Variants in LRFN5 observed in about 807,000 individuals in gnomAD.
The protein encoded by LRFN5 is leucine rich repeat and fibronectin type III domain containing 5.
A neutral mutation model predicts 45.6 loss-of-function variants in LRFN5; 24 were observed. The ratio of observed to expected loss-of-function variants is 0.53; its 90% CI spans 0.38 to 0.74. The LOEUF (loss-of-function observed/expected upper bound fraction) is 0.74, where lower values mean the gene tolerates loss of function less well. Ranked by LOEUF, LRFN5 falls within the 30% of genes least tolerant of loss-of-function variation. The pLI, the probability that LRFN5 is intolerant of heterozygous loss-of-function variation, is 0.00. For missense variants in LRFN5, 776 were observed against 861.5 expected, an observed-to-expected ratio of 0.90 and a Z score of 1.24; for synonymous variants, 340 against 313.8, an observed-to-expected ratio of 1.08 and a Z score of -0.88.
chr14:41,892,186 T>A, intron 4 of LRFN5: 1 of 985,300 alleles, frequency 1.0e-6, no homozygotes, highest in Non-Finnish European at 1.2e-6. Context: ...GAAAGCTCTG[T>A]GTAATTTATA....
chr14:41,643,470 T>C (rs1879674122), intron 1 of LRFN5, among the ~76,000 whole-genome samples: 1 of 152,118 alleles, frequency 6.6e-6, no homozygotes, highest in Non-Finnish European at 1.5e-5. Context: ...CACATACATA[T>C]CTTCTCGGCA....
intron 1 of LRFN5, among the ~76,000 whole-genome samples, chr14:41,623,809 A>G (rs1345663239): frequency 6.6e-6 from 1 of 152,074 alleles, no homozygotes; most frequent in Non-Finnish European, 1.5e-5. Context: ...AGCTCACTTC[A>G]ATATTGTGGA....
intron 2 of LRFN5, among the ~76,000 whole-genome samples, chr14:41,854,415 A>G (rs2139082346): frequency 6.6e-6 from 1 of 152,210 alleles, no homozygotes; most frequent in South Asian, 2.1e-4. Context: ...AATGTAAATG[A>G]CGAGTTAACA....
At chr14:41,834,670 T>C (rs1888600429) in intron 2 of LRFN5, among the ~76,000 whole-genome samples, 1 of 152,160 alleles carries the variant, frequency 6.6e-6, no homozygotes, top group Non-Finnish European at 1.5e-5. Flanking sequence ...TTTTGTTTTG[T>C]TGTGTTTGTG....
chr14:41,721,589 G>A (rs1883715770), intron 1 of LRFN5, among the ~76,000 whole-genome samples: 1 of 152,004 alleles, frequency 6.6e-6, no homozygotes, highest in African/African-American at 2.4e-5. Flanking sequence ...CTTAGTGCTT[G>A]CTTGACTAGA....
intron 2 of LRFN5, among the ~76,000 whole-genome samples, chr14:41,844,320 C>A (rs1235759032): frequency 6.6e-6 from 1 of 151,614 alleles, no homozygotes; most frequent in Non-Finnish European, 1.5e-5. Flanking sequence ...ACCTGTAGTC[C>A]CAGCTACTCG....
chr14:41,858,627 C>T (rs1190347477), intron 2 of LRFN5, among the ~76,000 whole-genome samples: 1 of 152,180 alleles, frequency 6.6e-6, no homozygotes. Flanking sequence ...TTCAATGTCA[C>T]GTGCTTTTCT....
intron 1 of LRFN5, among the ~76,000 whole-genome samples, chr14:41,735,818 A>G (rs7157713): frequency 0.045 from 6,763 of 151,324 alleles, 337 homozygotes; most frequent in African/African-American, 0.12. Context: ...ATGTGTTCTC[A>G]TTGTTCAATT....
intron 2 of LRFN5, among the ~76,000 whole-genome samples, chr14:41,861,130 A>G (rs929123468): frequency 1.6e-4 from 24 of 152,186 alleles, no homozygotes; most frequent in Admixed American, 4.6e-4. Flanking sequence ...GCTATAAAGA[A>G]AGCACATTTC....
chr14:41,610,739 T>C (rs1241414519), intron 1 of LRFN5, among the ~76,000 whole-genome samples: 1 of 139,070 alleles, frequency 7.2e-6, no homozygotes, highest in Admixed American at 7.5e-5. Flanking sequence ...TAATTGGGAA[T>C]AAATTTAAAA....
intron 1 of LRFN5, among the ~76,000 whole-genome samples, chr14:41,673,333 C>A (rs1842164365): frequency 1.4e-5 from 2 of 144,674 alleles, no homozygotes; most frequent in African/African-American, 4.9e-5. Context: ...AGGCGGCTGG[C>A]CGGGCGGGGG....
chr14:41,742,040 A>G (rs946444830), intron 1 of LRFN5, among the ~76,000 whole-genome samples: 1 of 151,774 alleles, frequency 6.6e-6, no homozygotes, highest in African/African-American at 2.4e-5. Flanking sequence ...TGTTGGCAAG[A>G]AATGGACCCT....
chr14:41,693,125 T>C (rs1202834778), intron 1 of LRFN5, among the ~76,000 whole-genome samples: 1 of 152,132 alleles, frequency 6.6e-6, no homozygotes, highest in African/African-American at 2.4e-5. Context: ...CTATACAATC[T>C]TGATTATTTA....
chr14:41,639,308 C>T (rs1180707120), intron 1 of LRFN5, among the ~76,000 whole-genome samples: 2 of 152,110 alleles, frequency 1.3e-5, no homozygotes, highest in East Asian at 3.9e-4. Flanking sequence ...ATTTAGAAGT[C>T]ACATAACAGT....
intron 1 of LRFN5, among the ~76,000 whole-genome samples, chr14:41,645,379 C>G (rs781025998): frequency 6.6e-6 from 1 of 152,116 alleles, no homozygotes; most frequent in Non-Finnish European, 1.5e-5. Context: ...GGATTACAAG[C>G]GTGCACCACC....
At chr14:41,805,540 A>G (rs944390972) in intron 2 of LRFN5, among the ~76,000 whole-genome samples, 8 of 148,934 alleles carry the variant, frequency 5.4e-5, no homozygotes, top group Non-Finnish European at 1.2e-4. Context: ...ATATCTCCCA[A>G]TGCTATCCCT....
intron 4 of LRFN5, among the ~76,000 whole-genome samples, chr14:41,896,726 T>C (rs1890952024): frequency 6.6e-6 from 1 of 152,166 alleles, no homozygotes; most frequent in Non-Finnish European, 1.5e-5. Context: ...ACATCTTTAT[T>C]ATTTGTTTAT....
intron 2 of LRFN5, among the ~76,000 whole-genome samples, chr14:41,839,999 T>C (rs1888803800): frequency 6.6e-6 from 1 of 152,102 alleles, no homozygotes; most frequent in East Asian, 1.9e-4. Flanking sequence ...CTTTTGTTCA[T>C]CCATATAACC....
chr14:41,673,666 G>T (rs1881379887), intron 1 of LRFN5, among the ~76,000 whole-genome samples: 1 of 140,440 alleles, frequency 7.1e-6, no homozygotes, highest in African/African-American at 2.7e-5. Context: ...TGGCCGGGCA[G>T]GGGGGCTGAC....
Sources: gnomAD v4.1 joint callset for allele counts (sites outside exome capture counted in the v4.1 genomes callset) on GRCh38, gnomAD v4.1.1 for gene constraint, MANE v1.5 for transcripts, NCBI Gene and HGNC (gene_info 2026-07-23, HGNC 2026-07-21) for gene names.